SMIM23: variants seen among roughly 807,000 people sequenced by gnomAD.
SMIM23 encodes the protein small integral membrane protein 23.
A neutral mutation model predicts 12.8 loss-of-function variants in SMIM23; 10 were observed. The ratio of observed to expected loss-of-function variants is 0.78; its 90% CI spans 0.48 to 1.32. The LOEUF (loss-of-function observed/expected upper bound fraction) is 1.32, where lower values mean the gene tolerates loss of function less well. SMIM23 is among the 40% of genes most tolerant of loss of function. SMIM23 has a pLI of 0.00. For synonymous variants in SMIM23, 78 were observed against 80.1 expected, an observed-to-expected ratio of 0.97 and a Z score of 0.14; for missense variants, 184 against 198.2, an observed-to-expected ratio of 0.93 and a Z score of 0.43.
At chr5:171,781,217 T>C (rs1398477183), upstream of SMIM23, among the ~76,000 whole-genome samples, 2 of 152,216 alleles carry the variant, frequency 1.3e-5, no homozygotes, top group African/African-American at 2.4e-5. Context: ...TTTTCCTTTC[T>C]GACAAAGAAC....
At chr5:171,787,980 G>A (rs1227236840) in intron 1 of SMIM23, among the ~76,000 whole-genome samples, 1 of 151,610 alleles carries the variant, frequency 6.6e-6, no homozygotes, top group Non-Finnish European at 1.5e-5. Context: ...GTATTATAAA[G>A]AAAATTATCT....
chr5:171,782,004 G>A (rs180685492), upstream of SMIM23, among the ~76,000 whole-genome samples: 569 of 152,338 alleles, frequency 3.7e-3, no homozygotes, highest in Non-Finnish European at 6.1e-3. Flanking sequence ...GGACAAATAA[G>A]GGAATAAAAG....
At chr5:171,787,635 G>A (rs1241907932) in intron 1 of SMIM23, among the ~76,000 whole-genome samples, 1 of 152,186 alleles carries the variant, frequency 6.6e-6, no homozygotes. Flanking sequence ...GATTCCTAAA[G>A]AATATTGTTA....
chr5:171,783,594 T>C (rs75198765), upstream of SMIM23, among the ~76,000 whole-genome samples: 2,216 of 151,898 alleles, frequency 0.015, 21 homozygotes, highest in Middle Eastern at 0.037. Flanking sequence ...AGCGTAAAGC[T>C]ATACAACCAA....
At chr5:171,772,779 G>A in the SMIM23 span, among the ~76,000 whole-genome samples, 3 of 152,058 alleles carry the variant, frequency 2.0e-5, no homozygotes, top group Non-Finnish European at 2.9e-5. Flanking sequence ...CACCCTAAAG[G>A]TCTCTCCATA....
At chr5:171,775,172 T>C in the SMIM23 span, among the ~76,000 whole-genome samples, 2 of 152,338 alleles carry the variant, frequency 1.3e-5, no homozygotes, top group East Asian at 3.9e-4. Flanking sequence ...GGGAGCACCA[T>C]GTGCCCGCCG....
chr5:171,778,267 G>A (rs1369785272), upstream of SMIM23, among the ~76,000 whole-genome samples: 1 of 151,750 alleles, frequency 6.6e-6, no homozygotes, highest in African/African-American at 2.4e-5. Flanking sequence ...TGAGGCAGGA[G>A]AATTGCTTGA....
the SMIM23 span, among the ~76,000 whole-genome samples, chr5:171,777,020 G>A: frequency 1.3e-5 from 2 of 151,626 alleles, no homozygotes; most frequent in African/African-American, 4.8e-5. Context: ...ATGACGGGGT[G>A]AGCCTGCCTT....
At chr5:171,785,724 G>A (rs1012235093), upstream of SMIM23, 4 of 590,856 alleles carry the variant, frequency 6.8e-6, no homozygotes, top group Non-Finnish European at 1.2e-5. Context: ...AAATCAGGGT[G>A]GTGGAAAGGT....
upstream of SMIM23, among the ~76,000 whole-genome samples, chr5:171,784,142 T>G (rs1755771216): frequency 6.6e-6 from 1 of 152,192 alleles, no homozygotes; most frequent in Non-Finnish European, 1.5e-5. Context: ...CATCATTAGC[T>G]ATCAGGGAAA....
the SMIM23 span, among the ~76,000 whole-genome samples, chr5:171,775,551 C>A: frequency 2.4e-4 from 36 of 152,224 alleles, no homozygotes; most frequent in South Asian, 4.6e-3. Flanking sequence ...GTTTGACTTA[C>A]CGTAAGTGCC....
upstream of SMIM23, among the ~76,000 whole-genome samples, chr5:171,780,454 C>A (rs1436671564): frequency 6.6e-6 from 1 of 152,128 alleles, no homozygotes; most frequent in African/African-American, 2.4e-5. Context: ...GAGACCAAAT[C>A]CTGGAAGCTC....
chr5:171,786,769 C>T (rs1350178917), intron 1 of SMIM23, among the ~76,000 whole-genome samples: 7 of 152,130 alleles, frequency 4.6e-5, no homozygotes, highest in Admixed American at 1.3e-4. Context: ...CATCATGCTG[C>T]GGCTTTTCCT....
the SMIM23 span, among the ~76,000 whole-genome samples, chr5:171,775,679 T>C: frequency 6.6e-6 from 1 of 152,088 alleles, no homozygotes; most frequent in East Asian, 1.9e-4. Flanking sequence ...AAAGCAGACA[T>C]GGTTTTAGTT....
the SMIM23 span, among the ~76,000 whole-genome samples, chr5:171,775,463 A>G: frequency 8.5e-5 from 13 of 152,132 alleles, no homozygotes; most frequent in Non-Finnish European, 1.3e-4. Context: ...CTTGTGCTCA[A>G]ATGAAAACAC....
At chr5:171,775,948 T>C in the SMIM23 span, among the ~76,000 whole-genome samples, 32,144 of 152,128 alleles carry the variant, frequency 0.21, 4,970 homozygotes, top group African/African-American at 0.43. Context: ...CTCAACTCAC[T>C]GAAACCTCCA....
chr5:171,786,052 C>T, intron 1 of SMIM23, 76 bp downstream of exon 1: 1 of 1,200,266 alleles, frequency 8.3e-7, no homozygotes, highest in Non-Finnish European at 1.2e-6. Context: ...CTAGAAGTCC[C>T]TCAAAGCCCG....
chr5:171,786,702 C>T (rs903435054), intron 1 of SMIM23, among the ~76,000 whole-genome samples: 1 of 152,108 alleles, frequency 6.6e-6, no homozygotes, highest in Non-Finnish European at 1.5e-5. Flanking sequence ...ATACATGCAC[C>T]GAGCGCCTTC....
chr5:171,781,101 C>G (rs930562973), upstream of SMIM23, among the ~76,000 whole-genome samples: 2 of 152,180 alleles, frequency 1.3e-5, no homozygotes, highest in African/African-American at 4.8e-5. Flanking sequence ...ATCTTAGTTG[C>G]ACATGGTAAT....
Sources: gnomAD v4.1 joint callset for allele counts (sites outside exome capture counted in the v4.1 genomes callset) on GRCh38, gnomAD v4.1.1 for gene constraint, MANE v1.5 for transcripts, NCBI Gene and HGNC (gene_info 2026-07-23, HGNC 2026-07-21) for gene names.